The following RNGTT variants were observed in gnomAD, a reference collection of about 807,000 sequenced individuals.
RNGTT encodes RNA guanylyltransferase and 5'-phosphatase, also known as mRNA-capping enzyme.
A neutral mutation model predicts 79.3 loss-of-function variants in RNGTT; 33 were observed. That is an observed-to-expected ratio of 0.42 (90% CI 0.32 to 0.56). The LOEUF (loss-of-function observed/expected upper bound fraction) is 0.56. Among genes scored for constraint, RNGTT ranks in the 20% least tolerant of loss-of-function variants. The probability of loss-of-function intolerance (pLI) is 0.17; values close to 1 mark genes in which losing one functional copy is unlikely to be tolerated. For synonymous variants in RNGTT, 222 were observed against 235.9 expected (o/e 0.94, Z 0.54); for missense variants, 497 against 739.1 (o/e 0.67, Z 3.80).
intron 13 of RNGTT, among the ~76,000 whole-genome samples, chr6:88,718,921 T>C (rs531732219): frequency 2.0e-5 from 3 of 152,290 alleles, no homozygotes; most frequent in African/African-American, 7.2e-5. Context: ...CGTTCACAAA[T>C]CTCATTGCAA....
At chr6:88,661,983 T>A (rs990719117) in intron 14 of RNGTT, among the ~76,000 whole-genome samples, 3 of 152,244 alleles carry the variant, frequency 2.0e-5, no homozygotes, top group Middle Eastern at 3.2e-3. Flanking sequence ...CAAGTGGCTT[T>A]CATACCAGAG....
At chr6:88,767,678 CAAA>C (rs58712575) in intron 13 of RNGTT, among the ~76,000 whole-genome samples, 4,826 of 83,606 alleles carry the variant, frequency 0.058, 126 homozygotes, top group South Asian at 0.18. Flanking sequence ...TCACTTGTGT[CAAA>C]AAAAAAAAAA....
At chr6:88,811,689 T>C (rs1319030587) in intron 11 of RNGTT, among the ~76,000 whole-genome samples, 1 of 152,184 alleles carries the variant, frequency 6.6e-6, no homozygotes, top group African/African-American at 2.4e-5. Flanking sequence ...GAAATACGAA[T>C]TGGCAATATC....
At chr6:88,641,198 G>A (rs1325018911) in intron 14 of RNGTT, among the ~76,000 whole-genome samples, 1 of 152,068 alleles carries the variant, frequency 6.6e-6, no homozygotes, top group Admixed American at 6.6e-5. Flanking sequence ...AATTAGCCAG[G>A]CACGGTGGCG....
At chr6:88,932,303 TTA>T in intron 2 of RNGTT, among the ~76,000 whole-genome samples, 1 of 152,282 alleles carries the variant, frequency 6.6e-6, no homozygotes, top group South Asian at 2.1e-4. Flanking sequence ...TTGAACCCTG[TTA>T]AGATGTTTAT....
In RNGTT at chr6:88,611,224, A is replaced by T. The variant is rs1772010998; in HGVS notation, c.*1495T>A. 6.6e-6 allele frequency: 1 copy of T among 152,642 alleles called. No individual in the cohort carries two copies. Among genetic ancestry groups the T allele is most frequent in the East Asian group, 1.9e-4 (1 of 5,198 alleles). 9.5% of individuals were successfully genotyped at this position (152,642 alleles called of 1,614,324 possible). A position where few individuals can be genotyped will look rare whatever the true frequency, so the allele number is the denominator to read the frequency against. On this transcript the variant is annotated 3_prime_UTR_variant, in exon 16 of 16. Transcript: ENST00000369485. ...GTTTAAAAACATTAAAACTCAGGTG[A>T]ATATAAATACATTTTTGGTTCATCT... is the stretch of plus-strand genomic sequence containing the variant.
rs760608603 is a variant in RNGTT at position 88,687,175 on chromosome 6, G to A, written c.1440-8756C>T. ...AAAATATAAAACATGGACATTAAGCGTATGTAAAAATATTCAAACTCACTT... is the reference window on the plus strand; with the variant it reads ...AAAATATAAAACATGGACATTAAGCATATGTAAAAATATTCAAACTCACTT... On this transcript the variant is annotated intron_variant, in intron 13 of 15. Transcript: ENST00000369485. Among the ~76,000 whole-genome samples the A allele has an allele frequency of 5.1e-4, 78 of 152,212 alleles. 1 individual carries two copies. The highest frequency in any genetic ancestry group is 6.5e-4 in the Admixed American group (10 of 15,278).
At chr6:88,870,586 A>C (rs1349425668) in intron 8 of RNGTT, among the ~76,000 whole-genome samples, 1 of 152,074 alleles carries the variant, frequency 6.6e-6, no homozygotes, top group African/African-American at 2.4e-5. Flanking sequence ...ATTTCAACTT[A>C]AGAATGTCTC....
chr6:88,678,883 C>A (rs1198841154), intron 13 of RNGTT, among the ~76,000 whole-genome samples: 1 of 152,106 alleles, frequency 6.6e-6, no homozygotes, highest in East Asian at 1.9e-4. Flanking sequence ...ACAGAGGGCC[C>A]TTGAATAACA....
At chr6:88,689,812 T>C (rs372478608) in intron 13 of RNGTT, among the ~76,000 whole-genome samples, 53 of 151,806 alleles carry the variant, frequency 3.5e-4, no homozygotes, top group African/African-American at 1.2e-3. Flanking sequence ...AAATGAAAGT[T>C]TAGTGAGAAA....
At chr6:88,617,414 C>T (rs1772271791) in intron 14 of RNGTT, among the ~76,000 whole-genome samples, 1 of 152,130 alleles carries the variant, frequency 6.6e-6, no homozygotes, top group Non-Finnish European at 1.5e-5. Context: ...TATTGCTTTC[C>T]CAACACTGTT....
chr6:88,669,034 T>C (rs1774526203), intron 14 of RNGTT, among the ~76,000 whole-genome samples: 1 of 152,104 alleles, frequency 6.6e-6, no homozygotes, highest in African/African-American at 2.4e-5. Context: ...ATCTTGCACC[T>C]CCGGTAACTG....
At chr6:88,664,478 T>C (rs1053090778) in intron 14 of RNGTT, among the ~76,000 whole-genome samples, 1 of 152,134 alleles carries the variant, frequency 6.6e-6, no homozygotes, top group African/African-American at 2.4e-5. Flanking sequence ...TAAATACAGA[T>C]GCAGCAAGCC....
chr6:88,748,103 G>T (rs1777722770), intron 13 of RNGTT, among the ~76,000 whole-genome samples: 3 of 151,970 alleles, frequency 2.0e-5, no homozygotes, highest in Admixed American at 2.0e-4. Flanking sequence ...AAGAACTCTT[G>T]CCTGGATTCC....
At chr6:88,941,820 A>G (rs1784857535) in intron 1 of RNGTT, among the ~76,000 whole-genome samples, 1 of 152,190 alleles carries the variant, frequency 6.6e-6, no homozygotes, top group Admixed American at 6.5e-5. Flanking sequence ...ACAATCAAAT[A>G]TAACAGCAAA....
chr6:88,905,596 G>A (rs780161136), intron 5 of RNGTT, among the ~76,000 whole-genome samples: 18 of 152,188 alleles, frequency 1.2e-4, no homozygotes, highest in Non-Finnish European at 2.5e-4. Context: ...AATTCAGTTA[G>A]TAATATATTC....
chr6:88,869,782 G>A (rs1230087385), intron 8 of RNGTT, among the ~76,000 whole-genome samples: 1 of 151,970 alleles, frequency 6.6e-6, no homozygotes. Flanking sequence ...TAACATTAAG[G>A]CAACTACCAA....
At chr6:88,938,456 T>C (rs923778625) in intron 2 of RNGTT, among the ~76,000 whole-genome samples, 6 of 152,236 alleles carry the variant, frequency 3.9e-5, no homozygotes, top group Admixed American at 2.6e-4. Flanking sequence ...AGGCAGCATA[T>C]GGATAAGTCG....
intron 13 of RNGTT, among the ~76,000 whole-genome samples, chr6:88,720,131 A>G (rs1776659818): frequency 1.3e-5 from 2 of 152,188 alleles, no homozygotes; most frequent in Non-Finnish European, 2.9e-5. Context: ...TCATTCTCCA[A>G]TGGTGCATGC....
Sources: allele counts gnomAD v4.1 joint callset (sites outside exome capture counted in the v4.1 genomes callset), GRCh38; gene constraint gnomAD v4.1.1; transcripts MANE v1.5; gene names NCBI Gene and HGNC (gene_info 2026-07-23, HGNC 2026-07-21).